TLE1: variants seen among roughly 807,000 people sequenced by gnomAD.
TLE1 encodes transducin-like enhancer protein 1.
TLE1 carries 21 observed loss-of-function variants against 89.8 expected under a neutral mutation model. The observed-to-expected ratio is 0.23, with a 90% CI of 0.17 to 0.34. The LOEUF (loss-of-function observed/expected upper bound fraction) is 0.34. Among genes scored for constraint, TLE1 ranks in the 10% least tolerant of loss-of-function variants. The pLI, the probability that TLE1 is intolerant of heterozygous loss-of-function variation, is 1.00. For synonymous variants in TLE1, 447 were observed against 407.6 expected (o/e 1.10, Z -1.16); for missense variants, 795 against 1,031.2 (o/e 0.77, Z 3.14).
intron 6 of TLE1, among the ~76,000 whole-genome samples, chr9:81,642,212 G>A (rs1462757198): frequency 6.6e-6 from 1 of 152,130 alleles, no homozygotes; most frequent in Non-Finnish European, 1.5e-5. Context: ...GTTAAAAATA[G>A]AACTACTTTC....
At chr9:81,681,035 T>C (rs1175630323) in intron 4 of TLE1, among the ~76,000 whole-genome samples, 3 of 151,876 alleles carry the variant, frequency 2.0e-5, no homozygotes, top group African/African-American at 7.3e-5. Context: ...CCCATCTAAA[T>C]ACTTTTTTAA....
At chr9:81,658,941 G>C (rs981828991) in intron 4 of TLE1, among the ~76,000 whole-genome samples, 29 of 151,148 alleles carry the variant, frequency 1.9e-4, no homozygotes, top group African/African-American at 6.6e-4. Context: ...ATGGAGTCTT[G>C]CTCTGTCACC....
At chr9:81,599,341 A>C (rs1830615534) in intron 14 of TLE1, among the ~76,000 whole-genome samples, 1 of 152,094 alleles carries the variant, frequency 6.6e-6, no homozygotes, top group African/African-American at 2.4e-5. Flanking sequence ...CATCAGCACT[A>C]CCTGTGACGT....
intron 4 of TLE1, among the ~76,000 whole-genome samples, chr9:81,685,316 C>T (rs1450852095): frequency 5.9e-5 from 9 of 152,116 alleles, no homozygotes; most frequent in Admixed American, 5.2e-4. Context: ...CCTTGCAAAA[C>T]AGCACAAAAA....
intron 15 of TLE1, among the ~76,000 whole-genome samples, chr9:81,591,584 T>C (rs1189912145): frequency 9.2e-5 from 14 of 152,130 alleles, no homozygotes; most frequent in Admixed American, 8.5e-4. Flanking sequence ...CATCTTTCCA[T>C]CAAAACCGAC....
rs1331135657 is a variant in TLE1 at position 81,687,414 on chromosome 9, G to C, written c.45C>G (p.Gly15=). 6.2e-7 allele frequency: 1 copy of C among 1,610,714 alleles called. No individual in the cohort carries two copies. Among genetic ancestry groups the C allele is most frequent in the African/African-American group, 1.3e-5 (1 of 74,920 alleles). ...CCGGGATAGTGAACTTGAAGGGCTG[G>C]CCTGCAGCCTGGTGCGGCGTCTGGG... ...SRHPTPHQAA[G]QPFKFTIPES... The change falls in exon 2 of 20, where the codon GGC becomes GGG. Residue 15 remains glycine (G), a synonymous_variant. Coordinates refer to ENST00000376499, the MANE Select transcript of TLE1 (RefSeq NM_005077.5).
At chr9:81,640,697 G>T (rs774996377) in intron 6 of TLE1, among the ~76,000 whole-genome samples, 1 of 152,198 alleles carries the variant, frequency 6.6e-6, no homozygotes, top group Non-Finnish European at 1.5e-5. Flanking sequence ...ACTTAGTGCA[G>T]CTTGGGTCAA....
At position 81,688,765 on chromosome 9, in the gene TLE1, A is replaced by T. The variant is rs1834690216; in HGVS notation, c.-525T>A. On this transcript the variant is annotated 5_prime_UTR_variant, in exon 1 of 20. Transcript: ENST00000376499. ...GGCGGCCCCCGCTAACCCCACACAAACCCGACGCTTTCGGGGCGACTCCCG... is the reference window on the plus strand; with the variant it reads ...GGCGGCCCCCGCTAACCCCACACAATCCCGACGCTTTCGGGGCGACTCCCG... The T allele has an allele frequency of 1.3e-5, 2 of 152,228 alleles. No homozygotes were observed. 9.4% of individuals were successfully genotyped at this position (152,228 alleles called of 1,614,324 possible). A position where few individuals can be genotyped will look rare whatever the true frequency, so the allele number is the denominator to read the frequency against.
chr9:81,618,904 ATCTAAGGTCTGAGGCCTCTGT>A (rs542391412), intron 9 of TLE1, among the ~76,000 whole-genome samples: 1 of 152,280 alleles, frequency 6.6e-6, no homozygotes, highest in East Asian at 1.9e-4. Flanking sequence ...GTCATCAGTG[ATCTAAGGTCTGAGGCCTCTGT>A]TCCAGATTCT....
chr9:81,613,324 C>A, intron 12 of TLE1, 53 bp downstream of exon 12: 2 of 1,593,814 alleles, frequency 1.3e-6, no homozygotes, highest in South Asian at 2.3e-5. Context: ...GACAACAAAT[C>A]AAGCTGGGAA....
chr9:81,592,317 C>T (rs894681835), intron 15 of TLE1, among the ~76,000 whole-genome samples: 5 of 152,194 alleles, frequency 3.3e-5, no homozygotes, highest in African/African-American at 1.2e-4. Context: ...GAGATCCGGC[C>T]ACTGCACTCC....
At chr9:81,633,690 T>A (rs1026427138) in intron 7 of TLE1, 58 of 491,482 alleles carry the variant, frequency 1.2e-4, no homozygotes, top group Non-Finnish European at 1.9e-4. Context: ...CCTATGAAAC[T>A]AAGTAGTAAC....
At chr9:81,657,529 G>A (rs1225358224) in intron 4 of TLE1, among the ~76,000 whole-genome samples, 2 of 152,130 alleles carry the variant, frequency 1.3e-5, no homozygotes, top group Admixed American at 1.3e-4. Flanking sequence ...AAGTAGACTT[G>A]AACATGGTCG....
At chr9:81,661,204 TTTTA>T (rs913599052) in intron 4 of TLE1, among the ~76,000 whole-genome samples, 16 of 18,190 alleles carry the variant, frequency 8.8e-4, no homozygotes, top group Non-Finnish European at 1.7e-3. Context: ...ATATATGTAT[TTTTA>T]TATATATATA....
rs1193975990 is a variant in TLE1 at position 81,665,599 on chromosome 9, C to T, written c.235-11563G>A. The stretch of plus-strand genomic sequence containing the variant: ...TCCCATTCTCTAGCTCCTCGTGAGG[C>T]AGATTGCAGGGGCCTGCATCTCCGG... On this transcript the variant is annotated intron_variant, in intron 4 of 19. Transcript: ENST00000376499. 6.6e-5 allele frequency among the ~76,000 whole-genome samples: 10 copies of T among 152,270 alleles called. No individual in the cohort carries two copies. In the South Asian group the frequency reaches 1.7e-3, roughly 25 times the overall value.
At chr9:81,661,209 TA>T (rs1259138872) in intron 4 of TLE1, among the ~76,000 whole-genome samples, 30 of 25,568 alleles carry the variant, frequency 1.2e-3, no homozygotes, top group African/African-American at 6.2e-3. Flanking sequence ...TGTATTTTTA[TA>T]TATATATATA....
At chr9:81,642,646 A>T (rs1043101618) in intron 6 of TLE1, among the ~76,000 whole-genome samples, 2 of 152,134 alleles carry the variant, frequency 1.3e-5, no homozygotes, top group Non-Finnish European at 2.9e-5. Context: ...GTGAGCCAAC[A>T]CGGTGCCACT....
Position 81,620,457 on chromosome 9 carries a change from T to G in TLE1, c.695A>C (p.Lys232Thr). 1 of 1,613,892 alleles carries G rather than the reference T, an allele frequency of 6.2e-7. No individual in the cohort carries two copies. Among genetic ancestry groups the G allele is most frequent in the Non-Finnish European group, 8.5e-7 (1 of 1,179,862 alleles). The part of the protein sequence containing the change: ...NDIKKRKVDD[K>T]DSSHYDSDGD... ...ATTACTTACATAGTGGCTGGAGTCC[T>G]TATCATCCACCTTCCTTTTCTTGAT... Residue 232 changes from lysine (K) to threonine (T), a missense_variant, in exon 9 of 20, where the codon AAG becomes ACG. Coordinates refer to ENST00000376499, the MANE Select transcript of TLE1 (RefSeq NM_005077.5).
At chr9:81,643,574 CA>C in intron 6 of TLE1, among the ~76,000 whole-genome samples, 1 of 151,984 alleles carries the variant, frequency 6.6e-6, no homozygotes, top group Non-Finnish European at 1.5e-5. Flanking sequence ...CTCATTTGGT[CA>C]CCCAGGTGGG....
Sources: allele counts gnomAD v4.1 joint callset (sites outside exome capture counted in the v4.1 genomes callset), GRCh38; gene constraint gnomAD v4.1.1; transcripts MANE v1.5; gene names NCBI Gene and HGNC (gene_info 2026-07-23, HGNC 2026-07-21).